XRN1: variants seen among roughly 807,000 people sequenced by gnomAD.
XRN1 encodes 5'-3' exoribonuclease 1.
Under a neutral mutation model 222.3 loss-of-function variants are expected in XRN1, and 67 were observed. The ratio of observed to expected loss-of-function variants is 0.30; its 90% CI spans 0.25 to 0.37. XRN1 has a LOEUF of 0.37. Ranked by LOEUF, XRN1 falls within the 10% of genes least tolerant of loss-of-function variation. The pLI is 1.00. For synonymous variants in XRN1, 643 were observed against 652.4 expected (o/e 0.99, Z 0.22); for missense variants, 1,707 against 2,000.2 (o/e 0.85, Z 2.80).
intron 2 of XRN1, chr3:142,429,850 T>C (rs1000447328): frequency 6.6e-6 from 1 of 152,208 alleles, no homozygotes; most frequent in Non-Finnish European, 1.5e-5. Flanking sequence ...GGAGCTCTAG[T>C]ATGTCTGTAT....
chr3:142,427,759 C>T (rs914893599), intron 2 of XRN1, among the ~76,000 whole-genome samples: 1 of 152,210 alleles, frequency 6.6e-6, no homozygotes, highest in Non-Finnish European at 1.5e-5. Flanking sequence ...ATATGGGTGT[C>T]CTACTACCTG....
chr3:142,429,144 CTTTT>C (rs199947503), intron 2 of XRN1, among the ~76,000 whole-genome samples: 1 of 120,102 alleles, frequency 8.3e-6, no homozygotes, highest in African/African-American at 3.2e-5. Context: ...TAGCCATAAT[CTTTT>C]TTTTTTTTTT....
intron 29 of XRN1, among the ~76,000 whole-genome samples, chr3:142,360,190 C>G (rs929479404): frequency 7.2e-5 from 11 of 152,040 alleles, no homozygotes; most frequent in African/African-American, 2.7e-4. Context: ...GTTATGATTC[C>G]TTATGTTTCT....
chr3:142,421,703 A>G (rs1231181322), intron 8 of XRN1, among the ~76,000 whole-genome samples, 160 bp from the exon 9 acceptor site: 1 of 152,226 alleles, frequency 6.6e-6, no homozygotes, highest in African/African-American at 2.4e-5. Flanking sequence ...GTTTCTGTGA[A>G]TTTTATGCTA....
chr3:142,374,844 T>G (rs940203645), intron 25 of XRN1, among the ~76,000 whole-genome samples: 2 of 152,138 alleles, frequency 1.3e-5, no homozygotes, highest in African/African-American at 4.8e-5. Context: ...GGAAATAGGG[T>G]TTTTAGTAGA....
chr3:142,349,712 C>T (rs753580414), intron 32 of XRN1, among the ~76,000 whole-genome samples: 5 of 152,088 alleles, frequency 3.3e-5, no homozygotes, highest in African/African-American at 4.8e-5. Context: ...TATTTCTTAT[C>T]ACAGTGAATT....
At chr3:142,383,455 T>C (rs1011687066) in intron 21 of XRN1, 42 bp from the exon 22 acceptor site, 6 of 1,512,630 alleles carry the variant, frequency 4.0e-6, no homozygotes, top group African/African-American at 1.4e-5. Flanking sequence ...ATAATTTCTA[T>C]AGATTGCGTA....
At chr3:142,432,006 AAATATATATT>A (rs1265342254) in intron 2 of XRN1, among the ~76,000 whole-genome samples, 1 of 60,018 alleles carries the variant, frequency 1.7e-5, no homozygotes, top group Non-Finnish European at 2.9e-5. Flanking sequence ...GTATATATAT[AAATATATATT>A]TTTTTAATAT....
chr3:142,314,674 G>C (rs2065159351), intron 39 of XRN1, among the ~76,000 whole-genome samples: 1 of 151,764 alleles, frequency 6.6e-6, no homozygotes, highest in Non-Finnish European at 1.5e-5. Flanking sequence ...GGATGCCGAG[G>C]CTGGCGGATC....
intron 1 of XRN1, among the ~76,000 whole-genome samples, chr3:142,440,719 T>C (rs961025316): frequency 6.6e-6 from 1 of 152,146 alleles, no homozygotes; most frequent in Non-Finnish European, 1.5e-5. Context: ...TACCCAGCTG[T>C]ACCTAACCCT....
At chr3:142,421,239 T>A in intron 9 of XRN1, 86 bp from the exon 10 acceptor site, 1 of 1,276,406 alleles carries the variant, frequency 7.8e-7, no homozygotes, top group Non-Finnish European at 1.0e-6. Flanking sequence ...TGACTACTAC[T>A]GGGGTATAGG....
At chr3:142,386,120 C>T (rs1161999320) in intron 20 of XRN1, among the ~76,000 whole-genome samples, 3 of 151,898 alleles carry the variant, frequency 2.0e-5, no homozygotes, top group Non-Finnish European at 4.4e-5. Flanking sequence ...ATTTTTGAAA[C>T]ACACCATTTT....
chr3:142,404,041 TAC>T, intron 16 of XRN1, 52 bp from the exon 17 acceptor site: 1 of 1,426,480 alleles, frequency 7.0e-7, no homozygotes, highest in Non-Finnish European at 9.7e-7. Flanking sequence ...TACAAACAAT[TAC>T]AGTTTTTTAA....
At chr3:142,323,641 A>C (rs2065427352) in intron 37 of XRN1, among the ~76,000 whole-genome samples, 1 of 152,142 alleles carries the variant, frequency 6.6e-6, no homozygotes, top group South Asian at 2.1e-4. Flanking sequence ...CAGACAGGAG[A>C]ATCTAGCTTC....
At chr3:142,418,384 A>C (rs1370770723) in intron 12 of XRN1, 120 bp downstream of exon 12, 2 of 707,214 alleles carry the variant, frequency 2.8e-6, no homozygotes, top group East Asian at 5.5e-5. Flanking sequence ...AAACATACAC[A>C]ATAATTCATG....
chr3:142,396,416 A>G (rs1300425544), intron 20 of XRN1, among the ~76,000 whole-genome samples: 3 of 152,230 alleles, frequency 2.0e-5, no homozygotes, highest in African/African-American at 7.2e-5. Flanking sequence ...AGAGTTATTA[A>G]ATTAATCATA....
At chr3:142,436,454 C>A (rs1165350060) in intron 1 of XRN1, among the ~76,000 whole-genome samples, 2 of 151,970 alleles carry the variant, frequency 1.3e-5, no homozygotes, top group Admixed American at 1.3e-4. Flanking sequence ...GGGTTTATAC[C>A]CAATAGTTTG....
intron 39 of XRN1, 23 bp downstream of exon 39, chr3:142,318,569 C>A: frequency 6.4e-7 from 1 of 1,562,200 alleles, no homozygotes; most frequent in Non-Finnish European, 8.7e-7. Context: ...ATGACAAATA[C>A]TTATAAATGA....
chr3:142,335,536 A>G (rs1055144107), intron 33 of XRN1, 27 bp from the exon 34 acceptor site: 1 of 1,596,728 alleles, frequency 6.3e-7, no homozygotes, highest in Non-Finnish European at 8.6e-7. Flanking sequence ...AGAAATTTTC[A>G]TAAATGGAAG....
Sources: gnomAD v4.1 joint callset for allele counts (sites outside exome capture counted in the v4.1 genomes callset) on GRCh38, gnomAD v4.1.1 for gene constraint, MANE v1.5 for transcripts, NCBI Gene and HGNC (gene_info 2026-07-23, HGNC 2026-07-21) for gene names.